Variants in NOL9 observed in about 807,000 individuals in gnomAD.
NOL9 encodes the protein nucleolar protein 9.
In NOL9, 28 loss-of-function variants were observed where a neutral mutation model predicts 67.9. The ratio of observed to expected loss-of-function variants is 0.41; its 90% CI spans 0.31 to 0.57. The LOEUF (loss-of-function observed/expected upper bound fraction) is 0.57. Ranked by LOEUF, NOL9 falls within the 20% of genes least tolerant of loss-of-function variation. NOL9 has a pLI of 0.25. For missense variants in NOL9, 777 were observed against 897.0 expected (o/e 0.87, Z 1.71); for synonymous variants, 356 against 352.2 (o/e 1.01, Z -0.12).
Position 6,532,583 on chromosome 1 carries a change from G to C in NOL9, c.1415C>G (p.Ala472Gly), listed in dbSNP as rs781361913. ...TKMRNRRFRL[A>G]AFADALEFAD... ...AAATTCCAAAGCATCTGCAAATGCT[G>C]CGAGTCTGAAACGTCGATTTCTCAT... The change falls in exon 8 of 12, where the codon GCA (alanine) becomes GGA (glycine). Residue 472 changes from alanine to glycine, a missense_variant. Ala to Gly is a moderately conservative substitution (Grantham distance 60). Around this residue, in one of 2 missense-constraint regions of NOL9, gnomAD observed 413 missense variants for 552.6 expected, o/e 0.75. Transcript: ENST00000377705. 1.6e-5 allele frequency: 26 copies of C among 1,614,056 alleles called. No homozygotes were observed. Among genetic ancestry groups the C allele is most frequent in the Non-Finnish European group, 2.1e-5 (25 of 1,180,034 alleles).
intron 3 of NOL9, chr1:6,548,664 A>G: frequency 3.9e-6 from 1 of 256,442 alleles, no homozygotes; most frequent in Non-Finnish European, 8.0e-6. Flanking sequence ...AAGACTCGTT[A>G]AAAATTAGAG....
Position 6,544,867 on chromosome 1 carries a change from C to T in NOL9, c.936G>A (p.Lys312=). The T allele has an allele frequency of 6.2e-7, 1 of 1,614,210 alleles. No individual in the cohort carries two copies. The highest frequency in any genetic ancestry group is 8.5e-7 in the Non-Finnish European group (1 of 1,180,038). ...ILVCGSQDVG[K]STFNRYLINH... ...TAATCAGGTATCTATTAAATGTTGA[C>T]TTTCCAACATCCTGGGATCCACAAA... The change falls in exon 5 of 12, where the codon AAG becomes AAA. Residue 312 remains lysine, a synonymous_variant. Coordinates refer to ENST00000377705, the MANE Select transcript of NOL9 (RefSeq NM_024654.5).
At chr1:6,550,819 G>C (rs1639530020) in intron 1 of NOL9, among the ~76,000 whole-genome samples, 1 of 151,926 alleles carries the variant, frequency 6.6e-6, no homozygotes, top group Non-Finnish European at 1.5e-5. Flanking sequence ...TAGTAGCTGG[G>C]ATTACAGGTA....
rs529348282 is a variant in NOL9, at chr1:6,529,858, G to A, written c.1648-687C>T. On this transcript the variant is annotated intron_variant, in intron 9 of 11. Coordinates refer to ENST00000377705, the MANE Select transcript of NOL9 (RefSeq NM_024654.5). ...CAAGACTCACTTGAACCCAGGAGGC[G>A]GAGGTTGCAGTGAACTGAGATCGTG... Among the ~76,000 whole-genome samples the A allele has an allele frequency of 6.6e-4, 100 of 152,030 alleles. 2 individuals carry two copies. Among genetic ancestry groups the A allele is most frequent in the African/African-American group, 2.3e-3 (95 of 41,498 alleles).
chr1:6,541,514 T>C (rs1232234129), intron 6 of NOL9, among the ~76,000 whole-genome samples: 1 of 152,190 alleles, frequency 6.6e-6, no homozygotes, highest in Non-Finnish European at 1.5e-5. Flanking sequence ...ATTAATTTCT[T>C]AGTCTCGATA....
At chr1:6,541,709 G>C in intron 6 of NOL9, 121 bp downstream of exon 6, 1 of 470,952 alleles carries the variant, frequency 2.1e-6, no homozygotes, top group Non-Finnish European at 3.6e-6. Context: ...GAAAGACCAT[G>C]AGTTTGGTAG....
intron 3 of NOL9, chr1:6,548,138 CTTTT>C (rs201835857): frequency 0.024 from 2,408 of 101,444 alleles, 54 homozygotes; most frequent in African/African-American, 0.082. Context: ...ACTTAAAGTT[CTTTT>C]TTTTTTTTTT....
Position 6,550,388 on chromosome 1 carries a change from T to C in NOL9, c.616+8A>G. On this transcript the variant is annotated splice_region_variant and intron_variant, in intron 2 of 11. Transcript: ENST00000377705. The stretch of plus-strand genomic sequence containing the variant: ...GCCCTCAGTAAATTACCCAGTTCTT[T>C]TCATTACCAAGGTTAAGATGAGATT... The C allele has an allele frequency of 7.4e-6, 12 of 1,611,974 alleles. No individual in the cohort carries two copies. The highest frequency in any genetic ancestry group is 1.0e-5 in the Non-Finnish European group (12 of 1,178,078).
chr1:6,530,196 T>C (rs1466424753), intron 9 of NOL9, among the ~76,000 whole-genome samples: 1 of 152,140 alleles, frequency 6.6e-6, no homozygotes, highest in Non-Finnish European at 1.5e-5. Flanking sequence ...GACACGCCTG[T>C]AATCCCAGCA....
chr1:6,544,631 A>G (rs1639381142), intron 5 of NOL9, among the ~76,000 whole-genome samples, 195 bp downstream of exon 5: 1 of 141,312 alleles, frequency 7.1e-6, no homozygotes, highest in Non-Finnish European at 1.5e-5. Flanking sequence ...CAGGTAAGGC[A>G]AAGTCAGCCT....
At chr1:6,541,159 G>A (rs1253022276) in intron 6 of NOL9, among the ~76,000 whole-genome samples, 3 of 151,924 alleles carry the variant, frequency 2.0e-5, no homozygotes, top group Admixed American at 6.6e-5. Context: ...GGGACTATAG[G>A]CACGTGCCAC....
intron 10 of NOL9, among the ~76,000 whole-genome samples, chr1:6,527,249 A>G (rs1475176357): frequency 1.9e-5 from 1 of 52,982 alleles, no homozygotes; most frequent in Non-Finnish European, 6.6e-5. Context: ...TGTCTCAAAA[A>G]AAAAAAAAAA....
chr1:6,534,191 G>A (rs1393635656), intron 6 of NOL9, among the ~76,000 whole-genome samples: 1 of 152,062 alleles, frequency 6.6e-6, no homozygotes, highest in Non-Finnish European at 1.5e-5. Flanking sequence ...CCAGCCAAGA[G>A]CCTCTAATTT....
At chr1:6,540,710 C>T (rs1340245085) in intron 6 of NOL9, 1 of 152,132 alleles carries the variant, frequency 6.6e-6, no homozygotes, top group African/African-American at 2.4e-5. Context: ...CCTGCAGTCA[C>T]AGCTACTCAG....
In NOL9 at chr1:6,554,408, C is replaced by T. The variant is rs1389480701; in HGVS notation, c.95G>A (p.Arg32Gln). The stretch of plus-strand genomic sequence containing the variant: ...CAGGCTCCCGAGCCGGCGGCGGGGC[C>T]GGCGGCTGAGGATGAGCTGGGGCCG... ...KARPQLILSR[R>Q]PRRRLGSLRW... Residue 32 changes from arginine to glutamine, a missense_variant, in exon 1 of 12, where the codon CGG becomes CAG. Arg to Gln is a conservative substitution (Grantham distance 43). Coordinates refer to ENST00000377705, the MANE Select transcript of NOL9 (RefSeq NM_024654.5). 6.6e-7 allele frequency: 1 copy of T among 1,509,332 alleles called. No homozygotes were observed. The allele number at this position is 1,509,332 out of a possible 1,614,324, so 93.5% of individuals were successfully genotyped here.
intron 1 of NOL9, 112 bp downstream of exon 1, chr1:6,553,995 G>A (rs1639606884): frequency 7.1e-6 from 6 of 847,872 alleles, no homozygotes; most frequent in Admixed American, 3.5e-5. Context: ...CCGACTGGCA[G>A]CCAGAGAACA....
intron 1 of NOL9, among the ~76,000 whole-genome samples, chr1:6,552,057 A>T (rs1639554287): frequency 6.6e-6 from 1 of 152,164 alleles, no homozygotes; most frequent in Non-Finnish European, 1.5e-5. Flanking sequence ...AGAAAATCAA[A>T]ATATGGTATG....
At chr1:6,553,875 A>G (rs988119419) in intron 1 of NOL9, among the ~76,000 whole-genome samples, 7 of 152,070 alleles carry the variant, frequency 4.6e-5, no homozygotes, top group Admixed American at 2.6e-4. Flanking sequence ...ACAAAACAAA[A>G]TAAAGTCCCT....
At chr1:6,550,656 T>G in intron 1 of NOL9, 41 bp from the exon 2 acceptor site, 2 of 1,243,132 alleles carry the variant, frequency 1.6e-6, no homozygotes, top group Non-Finnish European at 2.3e-6. Flanking sequence ...ATAGATCATG[T>G]CACTAATGAC....
Sources: allele counts gnomAD v4.1 joint callset (sites outside exome capture counted in the v4.1 genomes callset), GRCh38; gene constraint gnomAD v4.1.1; regional missense constraint gnomAD v4.1.1; transcripts MANE v1.5; gene names NCBI Gene and HGNC (gene_info 2026-07-23, HGNC 2026-07-21).